The following STXBP3 variants were observed in gnomAD, a reference collection of about 807,000 sequenced individuals.
STXBP3 encodes syntaxin binding protein 3.
STXBP3 carries 41 observed loss-of-function variants against 85.7 expected under a neutral mutation model. The observed-to-expected ratio is 0.48, with a 90% CI of 0.37 to 0.62. The LOEUF is 0.62. STXBP3 is among the 20% of genes least tolerant of loss of function. STXBP3 has a pLI of 0.00. For synonymous variants in STXBP3, 229 were observed against 231.7 expected (o/e 0.99, Z 0.10); for missense variants, 563 against 703.1 (o/e 0.80, Z 2.25).
At chr1:108,763,621 G>T (rs1662192780) in intron 6 of STXBP3, among the ~76,000 whole-genome samples, 1 of 152,104 alleles carries the variant, frequency 6.6e-6, no homozygotes, top group African/African-American at 2.4e-5. Context: ...TGTTACCCAG[G>T]CTGGGGTGCA....
chr1:108,789,870 A>G (rs534826347), intron 11 of STXBP3, among the ~76,000 whole-genome samples: 149 of 152,202 alleles, frequency 9.8e-4, no homozygotes, highest in African/African-American at 3.4e-3. Context: ...GTTCAAGACC[A>G]GCCTGGCCAA....
chr1:108,800,676 A>G (rs1439837039), intron 17 of STXBP3, among the ~76,000 whole-genome samples: 1 of 152,154 alleles, frequency 6.6e-6, no homozygotes, highest in East Asian at 1.9e-4. Context: ...TTATAATTCA[A>G]GCTTCCTGTA....
At chr1:108,804,773 C>T (rs1475807055) in intron 17 of STXBP3, among the ~76,000 whole-genome samples, 5 of 152,170 alleles carry the variant, frequency 3.3e-5, no homozygotes, top group Non-Finnish European at 7.4e-5. Flanking sequence ...GAGAAGCTTC[C>T]TTGCATCTCC....
intron 9 of STXBP3, chr1:108,781,097 T>C (rs556051998): frequency 1.3e-5 from 2 of 152,302 alleles, no homozygotes; most frequent in South Asian, 4.1e-4. Context: ...CTTATCTCTG[T>C]TTACAGATCA....
At chr1:108,798,618 G>A (rs887772918) in intron 16 of STXBP3, among the ~76,000 whole-genome samples, 1 of 151,906 alleles carries the variant, frequency 6.6e-6, no homozygotes. Flanking sequence ...GTTTCACTAT[G>A]TTGGCCAGGC....
At chr1:108,770,567 T>C (rs1286825781) in intron 6 of STXBP3, among the ~76,000 whole-genome samples, 1 of 152,122 alleles carries the variant, frequency 6.6e-6, no homozygotes, top group African/African-American at 2.4e-5. Context: ...CTGCTGTTGG[T>C]GCTGGGTTAT....
intron 17 of STXBP3, among the ~76,000 whole-genome samples, chr1:108,805,189 T>C (rs1449023330): frequency 1.3e-5 from 2 of 152,192 alleles, no homozygotes; most frequent in African/African-American, 4.8e-5. Flanking sequence ...AGCAGTGTTG[T>C]CTCCTTTTCT....
At chr1:108,765,842 C>T (rs2788436) in intron 6 of STXBP3, among the ~76,000 whole-genome samples, 99,969 of 141,760 alleles carry the variant, frequency 0.71, 36,240 homozygotes, top group Non-Finnish European at 0.77. Flanking sequence ...CCACTGCTCC[C>T]GGCATTTTTT....
intron 8 of STXBP3, 100 bp from the exon 9 acceptor site, chr1:108,779,186 C>A: frequency 7.8e-7 from 1 of 1,287,340 alleles, no homozygotes; most frequent in South Asian, 1.8e-5. Context: ...GGAAAAGGGA[C>A]AGAACTTAGG....
intron 16 of STXBP3, 29 bp downstream of exon 16, chr1:108,798,266 C>A: frequency 6.5e-7 from 1 of 1,532,074 alleles, no homozygotes; most frequent in South Asian, 1.1e-5. Flanking sequence ...TTTTTTTCTA[C>A]CTGAGTGCCC....
At chr1:108,796,198 G>A (rs1454058972) in intron 13 of STXBP3, 36 bp from the exon 14 acceptor site, 9 of 1,595,984 alleles carry the variant, frequency 5.6e-6, no homozygotes, top group Middle Eastern at 1.7e-4. Context: ...ATGAATTTTG[G>A]TTATAGATCA....
intron 12 of STXBP3, among the ~76,000 whole-genome samples, chr1:108,794,014 T>C (rs1663034226): frequency 6.6e-6 from 1 of 152,212 alleles, no homozygotes; most frequent in Admixed American, 6.5e-5. Flanking sequence ...TTAAGCTGTT[T>C]AGTCAGGTAA....
chr1:108,801,285 T>TC (rs1663227615), intron 17 of STXBP3, among the ~76,000 whole-genome samples: 1 of 152,160 alleles, frequency 6.6e-6, no homozygotes, highest in Admixed American at 6.5e-5. Flanking sequence ...TGTTTTTTTT[T>TC]CCCCCAAGTA....
chr1:108,807,279 AAATC>A, intron 17 of STXBP3, 118 bp from the exon 18 acceptor site: 1 of 904,062 alleles, frequency 1.1e-6, no homozygotes, highest in Non-Finnish European at 1.6e-6. Context: ...AAAAAAAAAA[AAATC>A]AATGTAATTG....
In STXBP3 at chr1:108,794,410, G is replaced by C. The variant is rs988253438; in HGVS notation, c.1030-417G>C. Among the ~76,000 whole-genome samples the C allele has an allele frequency of 3.3e-5, 5 of 152,326 alleles. No individual in the cohort carries two copies. In the East Asian group the frequency reaches 9.7e-4, roughly 29 times the overall value. ...ACTTACAGTCATGGCAGAAAGCAAA[G>C]GGGAAGCCAGGCACCTTCTTCACAA... On this transcript the variant is annotated intron_variant, in intron 12 of 18. Transcript: ENST00000370008.
chr1:108,772,647 T>G lies in STXBP3; in HGVS notation c.439-18T>G. ...TCAGGTCTCCAGATTAACAGTGAGT[T>G]TTTTTGTCTTAACTTAGGTGTATAC... On this transcript the variant is annotated intron_variant, in intron 6 of 18. Coordinates refer to ENST00000370008, the MANE Select transcript of STXBP3 (RefSeq NM_007269.4). 7.3e-7 allele frequency: 1 copy of G among 1,369,330 alleles called. No individual in the cohort carries two copies. Among genetic ancestry groups the G allele is most frequent in the Non-Finnish European group, 9.5e-7 (1 of 1,051,654 alleles). 84.8% of individuals were successfully genotyped at this position (1,369,330 alleles called of 1,614,324 possible).
chr1:108,758,708 A>C (rs559691328), intron 5 of STXBP3, 120 bp downstream of exon 5: 2 of 427,846 alleles, frequency 4.7e-6, no homozygotes, highest in Non-Finnish European at 8.4e-6. Context: ...ATATTATTTC[A>C]GTCCTGGTGA....
intron 6 of STXBP3, among the ~76,000 whole-genome samples, chr1:108,764,486 A>G (rs1158660664): frequency 4.6e-5 from 7 of 152,200 alleles, no homozygotes; most frequent in Non-Finnish European, 1.0e-4. Context: ...GTCTTCCACA[A>G]TGGTTCAACT....
rs749503166 is a variant in STXBP3, at chr1:108,772,743, A to G, written c.517A>G (p.Ile173Val). Residue 173 changes from isoleucine to valine, a missense_variant, in exon 7 of 19, where the codon ATT (isoleucine) becomes GTT (valine). By Grantham distance (29) the Ile-to-Val change is conservative. Coordinates refer to ENST00000370008, the MANE Select transcript of STXBP3 (RefSeq NM_007269.4). ...TGGTAATGCAAAGGGAAAAGATGCC[A>G]TTATGGAAACAATGGCTGACCAGAT... is the stretch of plus-strand genomic sequence containing the variant. ...DPGNAKGKDA[I>V]METMADQIVT... The G allele has an allele frequency of 4.4e-6, 7 of 1,605,158 alleles. No individual in the cohort carries two copies. Among genetic ancestry groups the G allele is most frequent in the South Asian group, 2.2e-5 (2 of 89,924 alleles).
Sources: allele counts gnomAD v4.1 joint callset (sites outside exome capture counted in the v4.1 genomes callset), GRCh38; gene constraint gnomAD v4.1.1; transcripts MANE v1.5; gene names NCBI Gene and HGNC (gene_info 2026-07-23, HGNC 2026-07-21).